The following KLHL3 variants were observed in gnomAD, a reference collection of about 807,000 sequenced individuals.
KLHL3 encodes the protein kelch-like protein 3.
Under a neutral mutation model 70.5 loss-of-function variants are expected in KLHL3, and 19 were observed. The ratio of observed to expected loss-of-function variants is 0.27; its 90% CI spans 0.19 to 0.40. KLHL3 has a LOEUF of 0.40. Among genes scored for constraint, KLHL3 ranks in the 10% least tolerant of loss-of-function variants. The pLI is 1.00. For missense variants in KLHL3, 512 were observed against 771.1 expected (o/e 0.66, Z 3.98); for synonymous variants, 258 against 290.3 (o/e 0.89, Z 1.13).
chr5:137,709,785 G>A lies in KLHL3; in HGVS notation c.206C>T (p.Ala69Val). ...VEIEAHRVVLAACSPYFCAMF... is the reference protein window; with the variant it reads ...VEIEAHRVVLVACSPYFCAMF... ...CGCACAGAAGTAGGGGCTGCAGGCT[G>A]CCAGGACCACACGGTGGGCTTCTAT... The change falls in exon 3 of 15, where the codon GCA becomes GTA. Residue 69 changes from alanine to valine, a missense_variant. Transcript: ENST00000309755. The A allele has an allele frequency of 6.2e-7, 1 of 1,614,086 alleles. No individual in the cohort carries two copies. The highest frequency in any genetic ancestry group is 8.5e-7 in the Non-Finnish European group (1 of 1,179,962).
At chr5:137,634,482 G>C (rs1471620377) in intron 11 of KLHL3, among the ~76,000 whole-genome samples, 1 of 152,220 alleles carries the variant, frequency 6.6e-6, no homozygotes, top group Non-Finnish European at 1.5e-5. Context: ...TGATGAATTA[G>C]GTTAAATTTT....
intron 6 of KLHL3, among the ~76,000 whole-genome samples, chr5:137,669,148 G>C (rs929211101): frequency 1.3e-5 from 2 of 152,110 alleles, no homozygotes; most frequent in African/African-American, 2.4e-5. Flanking sequence ...ACAAATTAGT[G>C]AGAAGACAGC....
chr5:137,715,676 T>C lies in KLHL3; in HGVS notation c.134+4789A>G, dbSNP rs542843998. ...TCATCATCATCATCATCATAGCTAA[T>C]GCTTACAGAATATTCATTATGTGCC... On this transcript the variant is annotated intron_variant, in intron 2 of 14. Coordinates refer to ENST00000309755, the MANE Select transcript of KLHL3 (RefSeq NM_017415.3). Among the ~76,000 whole-genome samples the C allele has an allele frequency of 2.6e-5, 4 of 152,338 alleles. No homozygotes were observed. In the East Asian group the frequency reaches 5.8e-4, roughly 22 times the overall value.
rs1243555028 is a variant in KLHL3 at position 137,633,890 on chromosome 5, A to G, written c.1450+147T>C. 12 of 1,037,958 alleles carry G rather than the reference A, an allele frequency of 1.2e-5. No homozygotes were observed. The East Asian group carries it at 2.6e-4, about 23-fold the overall frequency. The allele number at this position is 1,037,958 out of a possible 1,614,324, so 64.3% of individuals were successfully genotyped here. On this transcript the variant is annotated intron_variant, in intron 12 of 14. Coordinates refer to ENST00000309755, the MANE Select transcript of KLHL3 (RefSeq NM_017415.3). ...TGGTCACTATTTGCGTGATGGGTAC[A>G]CTAGAAGCCCAAACTCGACCATTAT... is the stretch of plus-strand genomic sequence containing the variant.
intron 1 of KLHL3, among the ~76,000 whole-genome samples, chr5:137,724,730 G>A (rs952444997): frequency 1.3e-5 from 2 of 152,132 alleles, no homozygotes; most frequent in African/African-American, 4.8e-5. Context: ...AGGAAGTTTG[G>A]AGGAGACTCT....
At chr5:137,719,157 C>T (rs1752951027) in intron 2 of KLHL3, among the ~76,000 whole-genome samples, 2 of 152,236 alleles carry the variant, frequency 1.3e-5, no homozygotes, top group Admixed American at 1.3e-4. Flanking sequence ...CTTTAAGAAA[C>T]AAATAATTAT....
At position 137,639,989 on chromosome 5, in the gene KLHL3, C is replaced by G; in HGVS notation, c.904-12G>C. 6.2e-7 allele frequency: 1 copy of G among 1,612,244 alleles called. No homozygotes were observed. Among genetic ancestry groups the G allele is most frequent in the Admixed American group, 1.7e-5 (1 of 60,014 alleles). ...ACCACAATCATGACCTCCGGAGAGA[C>G]AAGTGGACGTTAGCGGGGTCACCCC... On this transcript the variant is annotated splice_polypyrimidine_tract_variant and intron_variant, in intron 8 of 14. Transcript: ENST00000309755. The surrounding 1 kb of genome is among the most constrained non-coding windows in gnomAD (Gnocchi z 5.0).
chr5:137,668,133 T>G (rs1342634268), intron 6 of KLHL3, among the ~76,000 whole-genome samples: 3 of 152,200 alleles, frequency 2.0e-5, no homozygotes, highest in African/African-American at 2.4e-5. Flanking sequence ...CCAGGCAAGG[T>G]GGCTCACACC....
intron 1 of KLHL3, among the ~76,000 whole-genome samples, chr5:137,727,616 A>G (rs1048393580): frequency 6.6e-6 from 1 of 152,156 alleles, no homozygotes; most frequent in African/African-American, 2.4e-5. Context: ...AAACTGTTCT[A>G]TCTTATTCCC....
chr5:137,634,226 G>T, intron 11 of KLHL3, 61 bp from the exon 12 acceptor site: 2 of 1,525,320 alleles, frequency 1.3e-6, no homozygotes, highest in South Asian at 2.6e-5. Context: ...CCAGAGCTCA[G>T]CTGAAACCCT....
At chr5:137,705,001 G>A (rs773886731) in intron 3 of KLHL3, among the ~76,000 whole-genome samples, 6 of 152,220 alleles carry the variant, frequency 3.9e-5, no homozygotes, top group South Asian at 2.1e-4. Flanking sequence ...CTCTGACACC[G>A]CCATCCCTTT....
chr5:137,633,789 C>A (rs1286994080), intron 12 of KLHL3, among the ~76,000 whole-genome samples: 1 of 152,068 alleles, frequency 6.6e-6, no homozygotes, highest in Non-Finnish European at 1.5e-5. Flanking sequence ...AAGATGAGAA[C>A]AATAGACACT....
chr5:137,698,050 G>A (rs894467375), intron 4 of KLHL3, among the ~76,000 whole-genome samples: 2 of 152,212 alleles, frequency 1.3e-5, no homozygotes, highest in Non-Finnish European at 1.5e-5. Context: ...CTCATTCAGG[G>A]ATATCATGGC....
chr5:137,655,930 G>A (rs1436020297), intron 8 of KLHL3, among the ~76,000 whole-genome samples: 2 of 142,394 alleles, frequency 1.4e-5, no homozygotes, highest in African/African-American at 5.2e-5. Context: ...GATGGAAGCT[G>A]AAGTGAGCTG....
At chr5:137,717,218 TG>T (rs2149933495) in intron 2 of KLHL3, among the ~76,000 whole-genome samples, 1 of 152,238 alleles carries the variant, frequency 6.6e-6, no homozygotes, top group Non-Finnish European at 1.5e-5. Context: ...GGAATGGAGG[TG>T]GGCCAGCACC....
intron 5 of KLHL3, among the ~76,000 whole-genome samples, chr5:137,679,278 G>A (rs759831522): frequency 6.6e-5 from 10 of 152,172 alleles, no homozygotes; most frequent in Non-Finnish European, 1.3e-4. Context: ...CCAAGAAACA[G>A]CAGATAGAAA....
intron 3 of KLHL3, among the ~76,000 whole-genome samples, chr5:137,699,516 A>G (rs775493515): frequency 3.3e-5 from 5 of 152,170 alleles, no homozygotes; most frequent in Admixed American, 1.3e-4. Flanking sequence ...GATCACATGC[A>G]GGGAGAACAG....
intron 8 of KLHL3, among the ~76,000 whole-genome samples, chr5:137,653,953 G>C (rs544419089): frequency 1.6e-4 from 24 of 152,292 alleles, no homozygotes; most frequent in African/African-American, 5.5e-4. Context: ...CAACGGGGAT[G>C]AATCTCAAAT....
At chr5:137,675,814 T>A (rs1424126103) in intron 6 of KLHL3, among the ~76,000 whole-genome samples, 1 of 152,214 alleles carries the variant, frequency 6.6e-6, no homozygotes, top group East Asian at 1.9e-4. Context: ...TCAACCCACA[T>A]ATCCCAAGAT....
Sources: allele counts gnomAD v4.1 joint callset (sites outside exome capture counted in the v4.1 genomes callset), GRCh38; gene constraint gnomAD v4.1.1; non-coding constraint Gnocchi (gnomAD v3.1); transcripts MANE v1.5; gene names NCBI Gene and HGNC (gene_info 2026-07-23, HGNC 2026-07-21).